ANKS1B: variants seen among roughly 807,000 people sequenced by gnomAD.
ANKS1B encodes ankyrin repeat and sterile alpha motif domain-containing protein 1B.
ANKS1B carries 36 observed loss-of-function variants against 148.3 expected under a neutral mutation model. That is an observed-to-expected ratio of 0.24 (90% CI 0.19 to 0.32). The LOEUF (loss-of-function observed/expected upper bound fraction) is 0.32. Ranked by LOEUF, ANKS1B falls within the 10% of genes least tolerant of loss-of-function variation. ANKS1B has a pLI of 1.00. For missense variants in ANKS1B, 1,157 were observed against 1,542.6 expected (o/e 0.75, Z 4.19); for synonymous variants, 542 against 560.8 (o/e 0.97, Z 0.47).
chr12:99,081,107 T>G (rs2049584647), intron 16 of ANKS1B, among the ~76,000 whole-genome samples: 1 of 152,208 alleles, frequency 6.6e-6, no homozygotes, highest in Non-Finnish European at 1.5e-5. Context: ...ATCTTCGCAT[T>G]GGTGAATATT....
intron 9 of ANKS1B, among the ~76,000 whole-genome samples, chr12:99,621,281 C>T (rs1325002283): frequency 6.6e-6 from 1 of 151,986 alleles, no homozygotes; most frequent in African/African-American, 2.4e-5. Flanking sequence ...ACAATACCTG[C>T]TACCACAAAA....
At chr12:99,382,717 A>AG (rs1176139674) in intron 12 of ANKS1B, among the ~76,000 whole-genome samples, 1 of 113,120 alleles carries the variant, frequency 8.8e-6, no homozygotes, top group African/African-American at 3.6e-5. Flanking sequence ...AAAAAAAAAA[A>AG]AGAGAGAGAG....
chr12:98,909,719 T>G (rs1442746269), intron 17 of ANKS1B, among the ~76,000 whole-genome samples: 1 of 152,212 alleles, frequency 6.6e-6, no homozygotes, highest in East Asian at 1.9e-4. Flanking sequence ...TATTAGTCAT[T>G]GTACTGTGAT....
At position 99,984,491 on chromosome 12, in the gene ANKS1B, C is replaced by CG; in HGVS notation, c.-255_-254insC. ...CGAGCTGGGAGCCGCGACGCGCCCCCACAGCCACTCCCCTGAATTCCCAAG... is the reference window on the plus strand; with the variant it reads ...CGAGCTGGGAGCCGCGACGCGCCCCCGACAGCCACTCCCCTGAATTCCCAAG... On this transcript the variant is annotated 5_prime_UTR_variant, in exon 1 of 27. Coordinates refer to ENST00000683438, the MANE Select transcript of ANKS1B (RefSeq NM_001352186.2). 4.8e-6 allele frequency: 2 copies of CG among 413,392 alleles called. No individual in the cohort carries two copies. The highest frequency in any genetic ancestry group is 8.8e-6 in the Non-Finnish European group (2 of 227,954). 25.6% of individuals were successfully genotyped at this position (413,392 alleles called of 1,614,324 possible). A position where few individuals can be genotyped will look rare whatever the true frequency, so the allele number is the denominator to read the frequency against.
intron 5 of ANKS1B, among the ~76,000 whole-genome samples, chr12:99,781,484 C>T (rs546833448): frequency 1.3e-5 from 2 of 152,102 alleles, no homozygotes; most frequent in African/African-American, 4.8e-5. Context: ...AATAAGCCAA[C>T]TTTATTGTTC....
At chr12:99,222,490 C>T (rs905540589) in intron 14 of ANKS1B, among the ~76,000 whole-genome samples, 5 of 152,136 alleles carry the variant, frequency 3.3e-5, no homozygotes, top group Non-Finnish European at 7.3e-5. Flanking sequence ...GTGGCCCATG[C>T]CTGTGATCCC....
intron 8 of ANKS1B, among the ~76,000 whole-genome samples, chr12:99,752,071 T>C (rs989136050): frequency 5.3e-5 from 8 of 152,010 alleles, no homozygotes; most frequent in African/African-American, 1.9e-4. Context: ...TAGGAGCAAG[T>C]TCATGACATG....
chr12:99,571,037 T>G (rs565671187), intron 9 of ANKS1B, among the ~76,000 whole-genome samples: 34 of 152,296 alleles, frequency 2.2e-4, no homozygotes, highest in African/African-American at 7.5e-4. Flanking sequence ...TAAATTTTTA[T>G]GTTAAAAGAT....
intron 16 of ANKS1B, among the ~76,000 whole-genome samples, chr12:99,070,494 G>A (rs73386574): frequency 2.0e-5 from 3 of 152,276 alleles, no homozygotes; most frequent in African/African-American, 7.2e-5. Flanking sequence ...ATTTATAGCT[G>A]GATTGATGGC....
intron 11 of ANKS1B, among the ~76,000 whole-genome samples, chr12:99,400,943 T>C (rs1196687999): frequency 6.9e-6 from 1 of 145,608 alleles, no homozygotes; most frequent in East Asian, 1.9e-4. Context: ...ATTTAATCTA[T>C]AATCTAAAAT....
intron 6 of ANKS1B, among the ~76,000 whole-genome samples, chr12:99,778,273 C>T (rs2153629846): frequency 6.6e-6 from 1 of 151,996 alleles, no homozygotes; most frequent in African/African-American, 2.4e-5. Flanking sequence ...TTTAAGAGGC[C>T]AAGGTGGCTG....
chr12:99,783,336 A>T (rs539463840), intron 4 of ANKS1B, among the ~76,000 whole-genome samples: 8 of 152,322 alleles, frequency 5.3e-5, no homozygotes, highest in Admixed American at 2.0e-4. Flanking sequence ...ATCATGTAAC[A>T]CAAAGCCTAT....
chr12:99,147,371 T>C (rs541712316), intron 15 of ANKS1B, among the ~76,000 whole-genome samples: 160 of 152,230 alleles, frequency 1.1e-3, no homozygotes, highest in African/African-American at 3.2e-3. Context: ...CAGTTCTCTA[T>C]TGCAAAAAGA....
intron 9 of ANKS1B, among the ~76,000 whole-genome samples, chr12:99,628,316 T>C (rs371662286): frequency 1.3e-5 from 2 of 152,036 alleles, no homozygotes; most frequent in African/African-American, 4.8e-5. Context: ...TAGAAATTAG[T>C]TTCTAAAAAT....
At chr12:98,874,378 C>T (rs774984986) in intron 17 of ANKS1B, among the ~76,000 whole-genome samples, 1 of 152,120 alleles carries the variant, frequency 6.6e-6, no homozygotes, top group Non-Finnish European at 1.5e-5. Flanking sequence ...GGGAGTGGAG[C>T]AGATGTGATA....
At chr12:99,817,122 C>T (rs955277175) in intron 2 of ANKS1B, among the ~76,000 whole-genome samples, 1 of 150,504 alleles carries the variant, frequency 6.6e-6, no homozygotes, top group Non-Finnish European at 1.5e-5. Context: ...AGATCTTATT[C>T]CTTCTAACTG....
At chr12:99,581,847 C>T (rs1467093856) in intron 9 of ANKS1B, among the ~76,000 whole-genome samples, 6 of 149,314 alleles carry the variant, frequency 4.0e-5, no homozygotes, top group African/African-American at 9.8e-5. Context: ...GCCGAGATTG[C>T]GCCACTGCAG....
intron 15 of ANKS1B, among the ~76,000 whole-genome samples, chr12:99,105,597 T>C (rs1270591910): frequency 6.6e-6 from 1 of 151,718 alleles, no homozygotes; most frequent in Non-Finnish European, 1.5e-5. Context: ...TGAAACCCCA[T>C]CTCTACTAAA....
rs372106469 is a variant in ANKS1B at position 98,802,103 on chromosome 12, T to C, written c.3142-978A>G. Among the ~76,000 whole-genome samples the C allele has an allele frequency of 1.2e-4, 19 of 152,322 alleles. No individual in the cohort carries two copies. The East Asian group carries it at 3.5e-3, about 28-fold the overall frequency. ...TTCTTTGTTCTCAAGTGGACATAAC[T>C]AAAACTAAATAGGCAGATTTCTAGA... On this transcript the variant is annotated intron_variant, in intron 20 of 26. Coordinates refer to ENST00000683438, the MANE Select transcript of ANKS1B (RefSeq NM_001352186.2).
Sources: allele counts gnomAD v4.1 joint callset (sites outside exome capture counted in the v4.1 genomes callset), GRCh38; gene constraint gnomAD v4.1.1; transcripts MANE v1.5; gene names NCBI Gene and HGNC (gene_info 2026-07-23, HGNC 2026-07-21).